The following USP26 variants were observed in gnomAD, a reference collection of about 807,000 sequenced individuals.
USP26 encodes ubiquitin specific peptidase 26, also known as ubiquitin carboxyl-terminal hydrolase 26.
For missense variants in USP26, 649 were observed against 642.3 expected, an observed-to-expected ratio of 1.01 and a Z score of -0.11; for synonymous variants, 236 against 240.6, an observed-to-expected ratio of 0.98 and a Z score of 0.18.
In USP26 at chrX:133,025,427, G is replaced by C; in HGVS notation, c.*52C>G. ...ACAGTTTTCCTTCCATGGAGGAAGT[G>C]GTATCGAGTGAGACAGTCAGGCAGA... On this transcript the variant is annotated 3_prime_UTR_variant, in exon 6 of 6. Transcript: ENST00000511190. The C allele has an allele frequency of 8.3e-7, 1 of 1,207,433 alleles. No homozygotes were observed. Among genetic ancestry groups the C allele is most frequent in the Non-Finnish European group, 1.1e-6 (1 of 893,953 alleles).
chrX:133,040,577 G>A (rs1443283531), intron 5 of USP26, among the ~76,000 whole-genome samples: 1 of 111,724 alleles, frequency 9.0e-6, no homozygotes, highest in Non-Finnish European at 1.9e-5. Context: ...GTCTGATGGG[G>A]TTCCCTTTGT....
chrX:133,082,189 T>A (rs974860312), intron 5 of USP26, among the ~76,000 whole-genome samples: 23 of 111,950 alleles, frequency 2.1e-4, no homozygotes, highest in African/African-American at 6.2e-4. Context: ...TCTTCCTGTT[T>A]GCTTTATTGT....
intron 5 of USP26, among the ~76,000 whole-genome samples, chrX:133,042,768 G>A (rs970755077): frequency 2.7e-5 from 3 of 111,954 alleles, no homozygotes; most frequent in Non-Finnish European, 5.6e-5. Flanking sequence ...AGTATTAATT[G>A]TATTTATGTG....
At chrX:133,044,297 C>A (rs902190489) in intron 5 of USP26, among the ~76,000 whole-genome samples, 1 of 113,464 alleles carries the variant, frequency 8.8e-6, no homozygotes, top group Non-Finnish European at 1.9e-5. Flanking sequence ...GCCCTTCAGC[C>A]CACCGCTGCA....
intron 4 of USP26, 68 bp from the exon 5 acceptor site, chrX:133,083,839 T>C (rs1452484758): frequency 1.8e-5 from 2 of 111,354 alleles, no homozygotes; most frequent in Non-Finnish European, 3.8e-5. Flanking sequence ...TACATACTCC[T>C]TTGTGTACTA....
In USP26 at chrX:133,071,077, C is replaced by T. The variant is rs747156459; in HGVS notation, c.-77+12630G>A. Among the ~76,000 whole-genome samples, 76 of 110,541 alleles carry T rather than the reference C, an allele frequency of 6.9e-4. 1 individual carries two copies. The highest frequency in any genetic ancestry group is 2.5e-3 in the African/African-American group (75 of 30,368). ...ATTAAAAATACAAAAATTAGCCAGG[C>T]ATGGTGGCACGCCCCTGTGGTCCTA... On this transcript the variant is annotated intron_variant, in intron 5 of 5. Coordinates refer to ENST00000511190, the MANE Select transcript of USP26 (RefSeq NM_031907.3).
At chrX:133,057,791 C>A (rs1433128738) in intron 5 of USP26, among the ~76,000 whole-genome samples, 2 of 83,365 alleles carry the variant, frequency 2.4e-5, no homozygotes, top group Non-Finnish European at 4.5e-5. Context: ...AGTTTACAAT[C>A]ATCTTTGTTA....
chrX:133,029,305 T>G (rs1472206521), intron 5 of USP26, among the ~76,000 whole-genome samples: 4 of 112,777 alleles, frequency 3.5e-5, no homozygotes, highest in African/African-American at 1.3e-4. Flanking sequence ...AGGAAACTTC[T>G]GCTCAGTCCC....
In USP26 at chrX:133,028,276, C is replaced by G; in HGVS notation, c.-56G>C. 4 of 1,184,965 alleles carry G rather than the reference C, an allele frequency of 3.4e-6. No individual in the cohort carries two copies. Among genetic ancestry groups the G allele is most frequent in the Non-Finnish European group, 4.6e-6 (4 of 873,536 alleles). ...CCGATTATTGATAATCTTGAAGTTC[C>G]AATCTGTTTTGCAAGTTCAGCTGTG... On this transcript the variant is annotated 5_prime_UTR_variant, in exon 6 of 6. Coordinates refer to ENST00000511190, the MANE Select transcript of USP26 (RefSeq NM_031907.3).
intron 5 of USP26, among the ~76,000 whole-genome samples, chrX:133,083,030 T>C (rs1292193503): frequency 9.0e-6 from 1 of 111,258 alleles, no homozygotes; most frequent in Non-Finnish European, 1.9e-5. Flanking sequence ...CTACTCTGGG[T>C]ATATATATAA....
chrX:133,074,616 T>C (rs1443928463), intron 5 of USP26, among the ~76,000 whole-genome samples: 1 of 112,450 alleles, frequency 8.9e-6, no homozygotes, highest in African/African-American at 3.2e-5. Context: ...CATGTGTACA[T>C]GTATGTGCAT....
chrX:133,026,683 A>G lies in USP26; in HGVS notation c.1538T>C (p.Leu513Pro). The G allele has an allele frequency of 8.3e-7, 1 of 1,210,820 alleles. No homozygotes were observed. Among genetic ancestry groups the G allele is most frequent in the Non-Finnish European group, 1.1e-6 (1 of 895,190 alleles). ...TSVGVHSFSR[L>P]PRILIVHLKR... ...GAGGTGAACAATAAGGATTCTAGGT[A>G]GCCTACTGAATGAGTGCACTCCAAC... The change falls in exon 6 of 6, where the codon CTA (leucine) becomes CCA (proline). Residue 513 changes from leucine (L) to proline (P), a missense_variant. By Grantham distance (98) the Leu-to-Pro change is moderately conservative (BLOSUM62 -3). Coordinates refer to ENST00000511190, the MANE Select transcript of USP26 (RefSeq NM_031907.3).
chrX:133,037,349 G>A (rs1171579935), intron 5 of USP26, among the ~76,000 whole-genome samples: 1 of 112,031 alleles, frequency 8.9e-6, no homozygotes, highest in Non-Finnish European at 1.9e-5. Context: ...GTTAATTTTT[G>A]TTTAAGAGGT....
chrX:133,025,894 G>A lies in USP26; in HGVS notation c.2327C>T (p.Thr776Ile), dbSNP rs753542691. The A allele has an allele frequency of 2.1e-5, 26 of 1,211,094 alleles. No individual in the cohort carries two copies. In the Admixed American group the frequency reaches 5.2e-4, roughly 24 times the overall value. Residue 776 changes from threonine to isoleucine, a missense_variant, in exon 6 of 6, where the codon ACA (threonine) becomes ATA (isoleucine). Thr to Ile is a moderately conservative substitution (Grantham distance 89). Transcript: ENST00000511190. ...QGHTKNLLRPTKLNLQKSNRN... is the reference protein window; with the variant it reads ...QGHTKNLLRPIKLNLQKSNRN... ...GTTAGACTTCTGTAGATTTAATTTT[G>A]TAGGTCTTAGGAGGTTCTTTGTGTG...
chrX:133,061,700 TG>T (rs1288011823), intron 5 of USP26, among the ~76,000 whole-genome samples: 1 of 111,814 alleles, frequency 8.9e-6, no homozygotes, highest in African/African-American at 3.2e-5. Flanking sequence ...TGCAAGGAGC[TG>T]GGGGGCCTCC....
intron 5 of USP26, among the ~76,000 whole-genome samples, chrX:133,073,066 C>T (rs976998204): frequency 9.0e-6 from 1 of 111,121 alleles, no homozygotes; most frequent in Non-Finnish European, 1.9e-5. Flanking sequence ...TTGCAATAAA[C>T]GGGGGTGATA....
At position 133,026,374 on chromosome X, in the gene USP26, A is replaced by G; in HGVS notation, c.1847T>C (p.Val616Ala). 8.3e-7 allele frequency: 1 copy of G among 1,206,088 alleles called. No homozygotes were observed. The highest frequency in any genetic ancestry group is 1.1e-6 in the Non-Finnish European group (1 of 894,095). ...KESEQKKGQT[V>A]FKGASRRQQQ... ...CTGTCTTCTGCTTGCCCCTTTAAAGACTGTCTGGCCTTTTTTTTGTTCAGA... is the reference window on the plus strand; with the variant it reads ...CTGTCTTCTGCTTGCCCCTTTAAAGGCTGTCTGGCCTTTTTTTTGTTCAGA... Residue 616 changes from valine to alanine, a missense_variant, in exon 6 of 6, where the codon GTC becomes GCC. Transcript: ENST00000511190.
chrX:133,029,530 C>A (rs1285765561), intron 5 of USP26, among the ~76,000 whole-genome samples: 4 of 111,668 alleles, frequency 3.6e-5, no homozygotes, highest in South Asian at 3.7e-4. Context: ...AATTTAAGTT[C>A]TCTGGATTAT....
intron 5 of USP26, 41 bp from the exon 6 acceptor site, chrX:133,028,337 A>C: frequency 1.2e-6 from 1 of 835,654 alleles, no homozygotes; most frequent in Admixed American, 2.6e-5. Context: ...TTAGTTCTCT[A>C]CACAGAATGA....
Sources: allele counts gnomAD v4.1 joint callset (sites outside exome capture counted in the v4.1 genomes callset), GRCh38; gene constraint gnomAD v4.1.1; transcripts MANE v1.5; gene names NCBI Gene and HGNC (gene_info 2026-07-23, HGNC 2026-07-21).